The following KLHL32 variants were observed in gnomAD, a reference collection of about 807,000 sequenced individuals.
KLHL32 encodes the protein kelch-like protein 32.
KLHL32 carries 35 observed loss-of-function variants against 64.8 expected under a neutral mutation model. That is an observed-to-expected ratio of 0.54 (90% CI 0.41 to 0.72). The LOEUF is 0.72. Ranked by LOEUF, KLHL32 falls within the 30% of genes least tolerant of loss-of-function variation. KLHL32 has a pLI of 0.00. For missense variants in KLHL32, 589 were observed against 768.5 expected (o/e 0.77, Z 2.76); for synonymous variants, 259 against 281.0 (o/e 0.92, Z 0.78).
At chr6:97,042,350 G>T (rs990747305) in intron 4 of KLHL32, among the ~76,000 whole-genome samples, 1 of 152,190 alleles carries the variant, frequency 6.6e-6, no homozygotes, top group African/African-American at 2.4e-5. Context: ...AGTTATAACA[G>T]AAGCAGAATA....
At chr6:97,039,042 A>G (rs1340883517) in intron 3 of KLHL32, among the ~76,000 whole-genome samples, 3 of 150,286 alleles carry the variant, frequency 2.0e-5, no homozygotes, top group African/African-American at 7.4e-5. Flanking sequence ...GTGAGCTGAG[A>G]TCATGCCACT....
upstream of KLHL32, among the ~76,000 whole-genome samples, chr6:96,923,154 T>C (rs942079241): frequency 4.6e-5 from 7 of 152,206 alleles, no homozygotes; most frequent in African/African-American, 1.7e-4. Flanking sequence ...TTGCTCTATT[T>C]AATTATACTA....
chr6:97,090,815 G>C (rs1425825417), intron 6 of KLHL32, among the ~76,000 whole-genome samples: 2 of 152,220 alleles, frequency 1.3e-5, no homozygotes, highest in Non-Finnish European at 2.9e-5. Flanking sequence ...TCTAATTCTT[G>C]AGCTATGTCT....
chr6:96,940,902 A>G (rs1312972307), intron 1 of KLHL32, among the ~76,000 whole-genome samples: 1 of 152,244 alleles, frequency 6.6e-6, no homozygotes, highest in East Asian at 1.9e-4. Flanking sequence ...ATGTAGGCAT[A>G]AGGTAAGCAT....
rs773396125 is a variant in KLHL32, at chr6:97,139,105, T to C, written c.1702-16T>C. On this transcript the variant is annotated splice_polypyrimidine_tract_variant and intron_variant, in intron 10 of 10. Coordinates refer to ENST00000369261, the MANE Select transcript of KLHL32 (RefSeq NM_052904.4). ...TCATCTTTGATACACAAGCTTCTTC[T>C]CTTCCTCTTTTGTAGGTACTGGATG... The C allele has an allele frequency of 3.7e-6, 6 of 1,601,770 alleles. No homozygotes were observed. The South Asian group carries it at 6.8e-5, about 18-fold the overall frequency.
chr6:97,067,049 A>G (rs1562299579), intron 5 of KLHL32, among the ~76,000 whole-genome samples: 1 of 152,124 alleles, frequency 6.6e-6, no homozygotes, highest in Non-Finnish European at 1.5e-5. Flanking sequence ...TGTTCTTAAA[A>G]TGCCATTCTT....
At chr6:96,977,784 A>G (rs529710885) in intron 3 of KLHL32, among the ~76,000 whole-genome samples, 9 of 152,242 alleles carry the variant, frequency 5.9e-5, no homozygotes, top group Non-Finnish European at 8.8e-5. Flanking sequence ...TAAAAAGCGT[A>G]TTAAATGTGA....
Position 96,999,883 on chromosome 6 carries a change from G to A in KLHL32, c.204+23706G>A, listed in dbSNP as rs777617030. Among the ~76,000 whole-genome samples, 116 of 152,234 alleles carry A rather than the reference G, an allele frequency of 7.6e-4. 1 individual carries two copies. Among genetic ancestry groups the A allele is most frequent in the Non-Finnish European group, 1.3e-3 (90 of 68,030 alleles). On this transcript the variant is annotated intron_variant, in intron 3 of 10. Transcript: ENST00000369261. ...GTCTACTACATGCAAAAAAGTTTGTGCCGGATGTTGCAAGGGCTCCTAAAA... is the reference window on the plus strand; with the variant it reads ...GTCTACTACATGCAAAAAAGTTTGTACCGGATGTTGCAAGGGCTCCTAAAA...
In KLHL32 at chr6:97,036,224, A is replaced by T. The variant is rs185028897; in HGVS notation, c.205-5268A>T. Among the ~76,000 whole-genome samples, 419 of 152,160 alleles carry T rather than the reference A, an allele frequency of 2.8e-3. 4 individuals carry two copies. Among genetic ancestry groups the T allele is most frequent in the African/African-American group, 9.6e-3 (398 of 41,502 alleles). On this transcript the variant is annotated intron_variant, in intron 3 of 10. Coordinates refer to ENST00000369261, the MANE Select transcript of KLHL32 (RefSeq NM_052904.4). ...ATTTCTCTAACTTTCCCTTTCATTT[A>T]TGTATTACATAAAATTTACATTTCT... is the stretch of plus-strand genomic sequence containing the variant.
At chr6:96,909,607 C>T in the KLHL32 span, among the ~76,000 whole-genome samples, 1 of 152,196 alleles carries the variant, frequency 6.6e-6, no homozygotes, top group Non-Finnish European at 1.5e-5. Flanking sequence ...ATAGGGGAAA[C>T]TTTGCCTAAG....
At chr6:97,031,916 C>T (rs1449271505) in intron 3 of KLHL32, among the ~76,000 whole-genome samples, 1 of 151,676 alleles carries the variant, frequency 6.6e-6, no homozygotes, top group Non-Finnish European at 1.5e-5. Flanking sequence ...GACAGTAAGA[C>T]CATCAACCTG....
intron 3 of KLHL32, among the ~76,000 whole-genome samples, chr6:97,014,771 T>C (rs886992588): frequency 6.6e-6 from 1 of 152,242 alleles, no homozygotes. Flanking sequence ...CAAATCCTTA[T>C]CTGTTGGACT....
intron 6 of KLHL32, among the ~76,000 whole-genome samples, chr6:97,089,936 G>A (rs1793990764): frequency 6.6e-6 from 1 of 152,184 alleles, no homozygotes; most frequent in Non-Finnish European, 1.5e-5. Flanking sequence ...AACAAGGTAA[G>A]ACCTCAGCAG....
chr6:97,081,835 C>T (rs1374968973), intron 5 of KLHL32, among the ~76,000 whole-genome samples: 3 of 152,070 alleles, frequency 2.0e-5, no homozygotes, highest in African/African-American at 7.2e-5. Context: ...TTTTGCTTAT[C>T]TGTGTTGCCA....
At chr6:96,909,080 T>G in the KLHL32 span, among the ~76,000 whole-genome samples, 1 of 152,072 alleles carries the variant, frequency 6.6e-6, no homozygotes. Context: ...ATGCTACCAT[T>G]CAAGCACTGA....
intron 5 of KLHL32, among the ~76,000 whole-genome samples, chr6:97,075,618 G>A (rs368644881): frequency 2.0e-5 from 3 of 152,102 alleles, no homozygotes; most frequent in African/African-American, 7.2e-5. Flanking sequence ...TTATTGGTTT[G>A]TTTCAACCTG....
At position 97,122,450 on chromosome 6, in the gene KLHL32, T is replaced by A. The variant is rs17057451; in HGVS notation, c.1355-4954T>A. The stretch of plus-strand genomic sequence containing the variant: ...AAACATCCAGAAAATATGGACAGTC[T>A]AATGTCATATAAAAATAGGTAAGTT... On this transcript the variant is annotated intron_variant, in intron 7 of 10. Coordinates refer to ENST00000369261, the MANE Select transcript of KLHL32 (RefSeq NM_052904.4). 2.9e-4 allele frequency among the ~76,000 whole-genome samples: 44 copies of A among 152,312 alleles called. No homozygotes were observed. In the East Asian group the frequency reaches 7.7e-3, roughly 27 times the overall value.
At chr6:96,916,558 C>T in the KLHL32 span, among the ~76,000 whole-genome samples, 2 of 152,146 alleles carry the variant, frequency 1.3e-5, no homozygotes, top group African/African-American at 2.4e-5. Flanking sequence ...TAATTTATCA[C>T]CCTCTGTTAA....
intron 5 of KLHL32, among the ~76,000 whole-genome samples, chr6:97,082,002 C>A (rs1792615674): frequency 6.6e-6 from 1 of 152,118 alleles, no homozygotes. Context: ...TGGACTTTTT[C>A]CCCAAAGCAA....
Sources: allele counts gnomAD v4.1 joint callset (sites outside exome capture counted in the v4.1 genomes callset), GRCh38; gene constraint gnomAD v4.1.1; transcripts MANE v1.5; gene names NCBI Gene and HGNC (gene_info 2026-07-23, HGNC 2026-07-21).